The following TMEM150A variants were observed in gnomAD, a reference collection of about 807,000 sequenced individuals.
The protein encoded by TMEM150A is transmembrane protein 150A.
Under a neutral mutation model 29.8 loss-of-function variants are expected in TMEM150A, and 18 were observed. The observed-to-expected ratio is 0.60, with a 90% CI of 0.42 to 0.90. TMEM150A has a LOEUF of 0.90. Ranked by LOEUF, TMEM150A falls within the 40% of genes least tolerant of loss-of-function variation. The pLI is 0.00. For missense variants in TMEM150A, 251 were observed against 349.7 expected (o/e 0.72, Z 2.25); for synonymous variants, 127 against 143.6 (o/e 0.88, Z 0.83).
Position 85,599,582 on chromosome 2 carries a change from C to T in TMEM150A, c.517G>A (p.Ala173Thr). The T allele has an allele frequency of 6.2e-7, 1 of 1,613,958 alleles. No homozygotes were observed. The highest frequency in any genetic ancestry group is 8.5e-7 in the Non-Finnish European group (1 of 1,179,906). Residue 173 changes from alanine (A) to threonine (T), a missense_variant, in exon 7 of 8, where the codon GCT becomes ACT. Coordinates refer to ENST00000334462, the MANE Select transcript of TMEM150A (RefSeq NM_001031738.3). This position sits in a 1 kb window ranked among gnomAD's most constrained non-coding sequence, Gnocchi z 6.0. ...YQGATAPLDL[A>T]VAYLRSVLAV... Reference sequence around the variant, plus strand: ...AGCACACTTCGCAGATAGGCCACAGCCAGGTCCAGCGGGGCGGTGGCCCCT... The same window carrying T: ...AGCACACTTCGCAGATAGGCCACAGTCAGGTCCAGCGGGGCGGTGGCCCCT...
intron 5 of TMEM150A, 125 bp downstream of exon 5, chr2:85,600,220 G>T: frequency 1.5e-6 from 2 of 1,328,368 alleles, no homozygotes; most frequent in East Asian, 2.4e-5. Context: ...TTCAAGGAAG[G>T]GGAGAAGCTG....
chr2:85,598,571 A>T lies in TMEM150A; in HGVS notation c.*505T>A, dbSNP rs189929595. The T allele has an allele frequency of 4.8e-3, 759 of 156,992 alleles. 24 individuals are homozygous for T. Among genetic ancestry groups the T allele is most frequent in the Admixed American group, 0.042 (697 of 16,584 alleles). 9.7% of individuals were successfully genotyped at this position (156,992 alleles called of 1,614,324 possible). A position where few individuals can be genotyped will look rare whatever the true frequency, so the allele number is the denominator to read the frequency against. On this transcript the variant is annotated 3_prime_UTR_variant, in exon 8 of 8. Coordinates refer to ENST00000334462, the MANE Select transcript of TMEM150A (RefSeq NM_001031738.3). ...ATGCAAATTAGAATTCTTTTAATAT[A>T]AAAAAAAGTACTAAAATACCCACGT...
At chr2:85,600,216 G>A in intron 5 of TMEM150A, 129 bp downstream of exon 5, 3 of 1,318,520 alleles carry the variant, frequency 2.3e-6, no homozygotes, top group South Asian at 2.7e-5. Flanking sequence ...GGCCTTCAAG[G>A]AAGGGGAGAA....
At position 85,602,272 on chromosome 2, in the gene TMEM150A, C is replaced by A; in HGVS notation, c.-116-208G>T. On this transcript the variant is annotated intron_variant, in intron 1 of 7. Coordinates refer to ENST00000334462, the MANE Select transcript of TMEM150A (RefSeq NM_001031738.3). The surrounding 1 kb of genome is among the most constrained non-coding windows in gnomAD (Gnocchi z 5.6). ...CGGCGTGCTGAGAGACGCAGGCGGA[C>A]CGTAACATCTGGAAGGGAGTTACCC... The A allele has an allele frequency of 3.5e-6, 1 of 286,368 alleles. No homozygotes were observed. The highest frequency in any genetic ancestry group is 6.9e-6 in the Non-Finnish European group (1 of 145,940). The allele number at this position is 286,368 out of a possible 1,614,324, so 17.7% of individuals were successfully genotyped here. A position where few individuals can be genotyped will look rare whatever the true frequency, so the allele number is the denominator to read the frequency against.
chr2:85,599,566 C>T lies in TMEM150A; in HGVS notation c.533G>A (p.Arg178Gln), dbSNP rs1202908152. 8.7e-6 allele frequency: 14 copies of T among 1,613,850 alleles called. No homozygotes were observed. The highest frequency in any genetic ancestry group is 8.5e-6 in the Non-Finnish European group (10 of 1,179,948). Residue 178 changes from arginine (R) to glutamine (Q), a missense_variant, in exon 7 of 8, where the codon CGA becomes CAA. Transcript: ENST00000334462. The surrounding 1 kb of genome is among the most constrained non-coding windows in gnomAD (Gnocchi z 6.0). ...APLDLAVAYL[R>Q]SVLAVIAFIT... ...AAAGGCGATGACAGCCAGCACACTTCGCAGATAGGCCACAGCCAGGTCCAG... is the reference window on the plus strand; with the variant it reads ...AAAGGCGATGACAGCCAGCACACTTTGCAGATAGGCCACAGCCAGGTCCAG...
chr2:85,599,096 C>A lies in TMEM150A; in HGVS notation c.796G>T (p.Glu266Ter), dbSNP rs1438226355. 8 of 1,613,518 alleles carry A rather than the reference C, an allele frequency of 5.0e-6. No homozygotes were observed. The highest frequency in any genetic ancestry group is 1.7e-5 in the Admixed American group (1 of 59,986). Residue 266 changes from glutamate (E) to a stop codon, truncating the protein, a stop_gained, in exon 8 of 8, where the codon GAG becomes TAG. Coordinates refer to ENST00000334462, the MANE Select transcript of TMEM150A (RefSeq NM_001031738.3). LOFTEE classifies it high-confidence loss of function. This position sits in a 1 kb window ranked among gnomAD's most constrained non-coding sequence, Gnocchi z 6.0. The part of the protein sequence containing the change: ...STSTHLNCAP[E>*]SIAMI ...AGACCTTAGATCATAGCGATGCTCT[C>A]GGGGGCACAGTTGAGGTGGGTGGAG... is the stretch of plus-strand genomic sequence containing the variant.
In TMEM150A at chr2:85,601,227, A is replaced by T; in HGVS notation, c.114-120T>A. The T allele has an allele frequency of 1.6e-6, 2 of 1,222,554 alleles. No individual in the cohort carries two copies. Among genetic ancestry groups the T allele is most frequent in the Non-Finnish European group, 1.2e-6 (1 of 841,174 alleles). The allele number at this position is 1,222,554 out of a possible 1,614,324, so 75.7% of individuals were successfully genotyped here. A position where few individuals can be genotyped will look rare whatever the true frequency, so the allele number is the denominator to read the frequency against. The stretch of plus-strand genomic sequence containing the variant: ...CTCCCCTACAGGGACAGAAGATCCC[A>T]CTCCCCAGTGCCCGCCTGAAGCAGT... On this transcript the variant is annotated intron_variant, in intron 3 of 7. Transcript: ENST00000334462. The surrounding 1 kb of genome is among the most constrained non-coding windows in gnomAD (Gnocchi z 4.0).
In TMEM150A at chr2:85,601,456, T is replaced by C; in HGVS notation, c.92A>G (p.His31Arg). The change falls in exon 3 of 8, where the codon CAT (histidine) becomes CGT (arginine). Residue 31 changes from histidine to arginine, a missense_variant. Coordinates refer to ENST00000334462, the MANE Select transcript of TMEM150A (RefSeq NM_001031738.3). This position sits in a 1 kb window ranked among gnomAD's most constrained non-coding sequence, Gnocchi z 4.0. The stretch of plus-strand genomic sequence containing the variant: ...ATACCAGTTCTCCACAGGGCATACA[T>C]GGTGGTTCATCACAGCCATGGCATA... The part of the protein sequence containing the change: ...TVYAMAVMNH[H>R]VCPVENWSYN... The C allele has an allele frequency of 6.2e-7, 1 of 1,613,404 alleles. No individual in the cohort carries two copies. The highest frequency in any genetic ancestry group is 8.5e-7 in the Non-Finnish European group (1 of 1,179,936).
In TMEM150A at chr2:85,599,455, C is replaced by G. The variant is rs992400138; in HGVS notation, c.574+70G>C. 10 of 1,567,722 alleles carry G rather than the reference C, an allele frequency of 6.4e-6. No homozygotes were observed. Among genetic ancestry groups the G allele is most frequent in the African/African-American group, 1.4e-5 (1 of 73,492 alleles). On this transcript the variant is annotated intron_variant, in intron 7 of 7. Coordinates refer to ENST00000334462, the MANE Select transcript of TMEM150A (RefSeq NM_001031738.3). The surrounding 1 kb of genome is among the most constrained non-coding windows in gnomAD (Gnocchi z 6.0). ...CATGGCAGTGTTAGGCCTCCACCCC[C>G]CATCCTCTTGGGAGGGAGAAAGGTT...
chr2:85,601,287 A>G lies in TMEM150A; in HGVS notation c.113+148T>C. ...GGCAAAGGGATAGTGGGAAGTGGGT[A>G]GGTGGCAAGAAGCCATGCCTGGGGA... On this transcript the variant is annotated intron_variant, in intron 3 of 7. Coordinates refer to ENST00000334462, the MANE Select transcript of TMEM150A (RefSeq NM_001031738.3). The surrounding 1 kb of genome is among the most constrained non-coding windows in gnomAD (Gnocchi z 4.0). 8.5e-7 allele frequency: 1 copy of G among 1,182,760 alleles called. No homozygotes were observed. Among genetic ancestry groups the G allele is most frequent in the East Asian group, 2.3e-5 (1 of 42,862 alleles). 73.3% of individuals were successfully genotyped at this position (1,182,760 alleles called of 1,614,324 possible).
chr2:85,601,311 G>T lies in TMEM150A; in HGVS notation c.113+124C>A. ...TAGGTGGCAAGAAGCCATGCCTGGGGACCAATTTCAGAGAAGAGCAGTGAG... is the reference window on the plus strand; with the variant it reads ...TAGGTGGCAAGAAGCCATGCCTGGGTACCAATTTCAGAGAAGAGCAGTGAG... On this transcript the variant is annotated intron_variant, in intron 3 of 7. Coordinates refer to ENST00000334462, the MANE Select transcript of TMEM150A (RefSeq NM_001031738.3). This position sits in a 1 kb window ranked among gnomAD's most constrained non-coding sequence, Gnocchi z 4.0. 7.4e-7 allele frequency: 1 copy of T among 1,348,926 alleles called. No homozygotes were observed. The allele number at this position is 1,348,926 out of a possible 1,614,324, so 83.6% of individuals were successfully genotyped here. A position where few individuals can be genotyped will look rare whatever the true frequency, so the allele number is the denominator to read the frequency against.
chr2:85,598,982 A>G lies in TMEM150A; in HGVS notation c.*94T>C. On this transcript the variant is annotated 3_prime_UTR_variant, in exon 8 of 8. Coordinates refer to ENST00000334462, the MANE Select transcript of TMEM150A (RefSeq NM_001031738.3). ...GTGAGGAAGCCCAGATCCCAACAGA[A>G]TACTTTCTCAAAATTGTTTTTGGTA... 1.3e-6 allele frequency: 2 copies of G among 1,528,108 alleles called. No homozygotes were observed. Among genetic ancestry groups the G allele is most frequent in the Middle Eastern group, 2.5e-4 (1 of 4,074 alleles). The allele number at this position is 1,528,108 out of a possible 1,614,324, so 94.7% of individuals were successfully genotyped here.
intron 4 of TMEM150A, 94 bp downstream of exon 4, chr2:85,600,927 T>A: frequency 8.5e-7 from 1 of 1,182,688 alleles, no homozygotes. Flanking sequence ...CTTAGGATAC[T>A]TATTGTTCCT....
chr2:85,599,381 G>A lies in TMEM150A; in HGVS notation c.575-64C>T. On this transcript the variant is annotated intron_variant, in intron 7 of 7. Coordinates refer to ENST00000334462, the MANE Select transcript of TMEM150A (RefSeq NM_001031738.3). This position sits in a 1 kb window ranked among gnomAD's most constrained non-coding sequence, Gnocchi z 6.0. The stretch of plus-strand genomic sequence containing the variant: ...GAAACCTGGCAACACCCCTTCTGCA[G>A]TCTCAGGCCTCACCTCTCCAAAGGG... 6.3e-7 allele frequency: 1 copy of A among 1,599,734 alleles called. No individual in the cohort carries two copies. The highest frequency in any genetic ancestry group is 8.5e-7 in the Non-Finnish European group (1 of 1,171,252).
intron 5 of TMEM150A, 53 bp from the exon 6 acceptor site, chr2:85,600,071 C>T (rs181135270): frequency 1.2e-4 from 187 of 1,599,206 alleles, no homozygotes; most frequent in Admixed American, 3.6e-4. Context: ...CCCTGCCCAG[C>T]GAGCCTGTCA....
At position 85,602,112 on chromosome 2, in the gene TMEM150A, G is replaced by A; in HGVS notation, c.-116-48C>T. On this transcript the variant is annotated intron_variant, in intron 1 of 7. Coordinates refer to ENST00000334462, the MANE Select transcript of TMEM150A (RefSeq NM_001031738.3). This position sits in a 1 kb window ranked among gnomAD's most constrained non-coding sequence, Gnocchi z 5.6. ...CAGGAGTGGGTAACTGGCCGGGAAG[G>A]GGGAGGGGAAGGGGGTCAACACCTT... The A allele has an allele frequency of 1.5e-6, 1 of 647,558 alleles. No individual in the cohort carries two copies. The highest frequency in any genetic ancestry group is 2.8e-6 in the Non-Finnish European group (1 of 355,062). 40.1% of individuals were successfully genotyped at this position (647,558 alleles called of 1,614,324 possible).
chr2:85,600,161 C>T (rs1474163559), intron 5 of TMEM150A, 143 bp from the exon 6 acceptor site: 1 of 1,338,866 alleles, frequency 7.5e-7, no homozygotes, highest in African/African-American at 1.5e-5. Flanking sequence ...AACTAGGTTT[C>T]CTCAGGCTCC....
rs773919675 is a variant in TMEM150A at position 85,599,881 on chromosome 2, G to T, written c.396+10C>A. 2.5e-6 allele frequency: 4 copies of T among 1,613,226 alleles called. No individual in the cohort carries two copies. Among genetic ancestry groups the T allele is most frequent in the Middle Eastern group, 1.9e-4 (1 of 5,308 alleles). On this transcript the variant is annotated intron_variant, in intron 6 of 7. Coordinates refer to ENST00000334462, the MANE Select transcript of TMEM150A (RefSeq NM_001031738.3). The surrounding 1 kb of genome is among the most constrained non-coding windows in gnomAD (Gnocchi z 6.0). ...AAAGTTTAAGGTTTGCAGGGGAGAA[G>T]GGGAAGCACCTGAAAGTTGCCAACC...
chr2:85,600,458 G>T, intron 4 of TMEM150A, 46 bp from the exon 5 acceptor site: 1 of 1,502,654 alleles, frequency 6.7e-7, no homozygotes, highest in Non-Finnish European at 9.2e-7. Context: ...CAGGAGGCCC[G>T]GGGGGCCCCC....
Sources: allele counts gnomAD v4.1 joint callset, GRCh38; gene constraint gnomAD v4.1.1; non-coding constraint Gnocchi (gnomAD v3.1); transcripts MANE v1.5; gene names NCBI Gene and HGNC (gene_info 2026-07-23, HGNC 2026-07-21).